Variants in GLCE observed in about 807,000 individuals in gnomAD.
GLCE encodes the protein D-glucuronyl C5-epimerase.
In GLCE, 19 loss-of-function variants were observed where a neutral mutation model predicts 47.9. That is an observed-to-expected ratio of 0.40 (90% confidence interval 0.28 to 0.58). The LOEUF (loss-of-function observed/expected upper bound fraction) is 0.58. Among genes scored for constraint, GLCE ranks in the 20% least tolerant of loss-of-function variants. The pLI is 0.48. For synonymous variants in GLCE, 245 were observed against 263.4 expected (o/e 0.93, Z 0.68); for missense variants, 556 against 743.3 (o/e 0.75, Z 2.93).
chr15:69,236,275 T>A (rs951108900), intron 2 of GLCE, among the ~76,000 whole-genome samples: 1 of 149,736 alleles, frequency 6.7e-6, no homozygotes, highest in Non-Finnish European at 1.5e-5. Flanking sequence ...TCTGGATTAT[T>A]ATGGCATTCT....
rs191203834 is a variant in GLCE at position 69,200,346 on chromosome 15, A to G, written c.-104-9970A>G. Among the ~76,000 whole-genome samples the G allele has an allele frequency of 2.5e-4, 38 of 152,200 alleles. No homozygotes were observed. The East Asian group carries it at 3.9e-3, about 15-fold the overall frequency. On this transcript the variant is annotated intron_variant, in intron 1 of 4. Coordinates refer to ENST00000261858, the MANE Select transcript of GLCE (RefSeq NM_015554.3). ...TTAAAAGTAAATCAGAATTTGACAC[A>G]CTGGGTTGTTTAATTACACATTTCA...
At chr15:69,183,953 C>A in intron 1 of GLCE, among the ~76,000 whole-genome samples, 1 of 152,148 alleles carries the variant, frequency 6.6e-6, no homozygotes, top group Non-Finnish European at 1.5e-5. Flanking sequence ...CTAGTAGAAC[C>A]AGTGAAGAAC....
At chr15:69,218,592 C>T (rs1239617062) in intron 2 of GLCE, among the ~76,000 whole-genome samples, 1 of 152,192 alleles carries the variant, frequency 6.6e-6, no homozygotes, top group Non-Finnish European at 1.5e-5. Context: ...TTAGACAAGA[C>T]TGAAATTTCA....
chr15:69,161,388 G>C (rs1566943265), intron 1 of GLCE, among the ~76,000 whole-genome samples: 1 of 152,064 alleles, frequency 6.6e-6, no homozygotes, highest in African/African-American at 2.4e-5. Context: ...GGGCCGCCTT[G>C]GGGGGTTGTT....
In GLCE at chr15:69,240,304, A is replaced by T. The variant is rs1566965649; in HGVS notation, c.-13-15490A>T. ...GTCTCAAAAAAAAAAAAAAAAAAAA[A>T]AAAAAAGAAAAGAAATATTGAGGAG... On this transcript the variant is annotated intron_variant, in intron 2 of 4. Coordinates refer to ENST00000261858, the MANE Select transcript of GLCE (RefSeq NM_015554.3). Among the ~76,000 whole-genome samples, 11 of 34,662 alleles carry T rather than the reference A, an allele frequency of 3.2e-4. No homozygotes were observed. The Admixed American group carries it at 4.1e-3, about 13-fold the overall frequency. The allele number at this position is 34,662 out of a possible 152,430, so 22.7% of individuals were successfully genotyped here.
In GLCE at chr15:69,259,976, A is replaced by C. The variant is rs542909186; in HGVS notation, c.587-1111A>C. On this transcript the variant is annotated intron_variant, in intron 3 of 4. Coordinates refer to ENST00000261858, the MANE Select transcript of GLCE (RefSeq NM_015554.3). ...CAGATAGTAGTTTATCTCTCAATAC[A>C]TACGTGATTCAACCATACAACATTA... Among the ~76,000 whole-genome samples the C allele has an allele frequency of 2.0e-5, 3 of 152,308 alleles. No homozygotes were observed. In the South Asian group the frequency reaches 6.2e-4, roughly 32 times the overall value.
intron 1 of GLCE, 75 bp from the exon 2 acceptor site, chr15:69,210,241 A>G (rs1277833796): frequency 6.6e-6 from 1 of 152,034 alleles, no homozygotes; most frequent in African/African-American, 2.4e-5. Context: ...AGCTACATTA[A>G]CTTGTTGGCA....
At chr15:69,183,879 A>G (rs1425274837) in intron 1 of GLCE, among the ~76,000 whole-genome samples, 2 of 152,220 alleles carry the variant, frequency 1.3e-5, no homozygotes, top group Non-Finnish European at 2.9e-5. Context: ...AACACTTGAG[A>G]AAGCTTCAGG....
chr15:69,219,255 TACATA>T (rs2052348505), intron 2 of GLCE, among the ~76,000 whole-genome samples: 3 of 152,144 alleles, frequency 2.0e-5, no homozygotes, highest in Admixed American at 1.3e-4. Flanking sequence ...ATCAATAAAA[TACATA>T]ACATGTTTCA....
intron 2 of GLCE, among the ~76,000 whole-genome samples, chr15:69,249,399 G>A (rs1179190225): frequency 6.6e-6 from 1 of 151,988 alleles, no homozygotes; most frequent in Non-Finnish European, 1.5e-5. Flanking sequence ...TTAGAGACAT[G>A]GATAATGCCT....
chr15:69,214,155 A>C (rs1346698360), intron 2 of GLCE, among the ~76,000 whole-genome samples: 2 of 152,102 alleles, frequency 1.3e-5, no homozygotes, highest in African/African-American at 4.8e-5. Flanking sequence ...AGTATTTAGA[A>C]ACCAGCATCT....
chr15:69,240,057 T>A (rs578006606), intron 2 of GLCE, among the ~76,000 whole-genome samples: 25 of 152,146 alleles, frequency 1.6e-4, no homozygotes, highest in Non-Finnish European at 3.4e-4. Flanking sequence ...GCTGAGGCTT[T>A]AGTAGCTTTC....
intron 2 of GLCE, among the ~76,000 whole-genome samples, chr15:69,215,131 G>C (rs1218641356): frequency 6.6e-6 from 1 of 151,996 alleles, no homozygotes; most frequent in East Asian, 1.9e-4. Context: ...TAGTTTTGTG[G>C]ATTTTGAAAA....
chr15:69,166,206 G>A (rs1173035046), intron 1 of GLCE, among the ~76,000 whole-genome samples: 1 of 151,906 alleles, frequency 6.6e-6, no homozygotes, highest in African/African-American at 2.4e-5. Context: ...TACATACATT[G>A]CCATTCATTT....
chr15:69,216,063 G>C (rs753181312), intron 2 of GLCE, among the ~76,000 whole-genome samples: 1 of 152,080 alleles, frequency 6.6e-6, no homozygotes, highest in Non-Finnish European at 1.5e-5. Flanking sequence ...CCAAGGGAAG[G>C]TATGTATAGT....
Position 69,264,242 on chromosome 15 carries a change from G to A in GLCE, c.829+2913G>A, listed in dbSNP as rs1045841321. 2.7e-5 allele frequency among the ~76,000 whole-genome samples: 4 copies of A among 148,522 alleles called. No individual in the cohort carries two copies. The East Asian group carries it at 8.3e-4, about 31-fold the overall frequency. On this transcript the variant is annotated intron_variant, in intron 4 of 4. Coordinates refer to ENST00000261858, the MANE Select transcript of GLCE (RefSeq NM_015554.3). ...TGTTTGGAGGTCCACATATAAGTGA[G>A]ATCATACAGTATCTTTCTCTGACTT...
chr15:69,174,474 G>T (rs572313231), intron 1 of GLCE, among the ~76,000 whole-genome samples: 2 of 152,248 alleles, frequency 1.3e-5, no homozygotes, highest in African/African-American at 4.8e-5. Flanking sequence ...GCTGGGCATG[G>T]TGGTGGGCAC....
At chr15:69,194,175 A>T (rs1024840810) in intron 1 of GLCE, among the ~76,000 whole-genome samples, 3 of 152,140 alleles carry the variant, frequency 2.0e-5, no homozygotes, top group African/African-American at 4.8e-5. Flanking sequence ...GCTGTTGCCC[A>T]CTGGGCATGC....
At position 69,244,311 on chromosome 15, in the gene GLCE, A is replaced by T. The variant is rs186123057; in HGVS notation, c.-13-11483A>T. Among the ~76,000 whole-genome samples the T allele has an allele frequency of 2.4e-3, 366 of 152,316 alleles. 3 individuals carry two copies. The highest frequency in any genetic ancestry group is 8.5e-3 in the African/African-American group (353 of 41,558). On this transcript the variant is annotated intron_variant, in intron 2 of 4. Transcript: ENST00000261858. ...TCTAATATTAATATGGCATTTAATT[A>T]TACTGTTAGATTTAAAGAAAATTCA...
Sources: allele counts gnomAD v4.1 joint callset (sites outside exome capture counted in the v4.1 genomes callset), GRCh38; gene constraint gnomAD v4.1.1; transcripts MANE v1.5; gene names NCBI Gene and HGNC (gene_info 2026-07-23, HGNC 2026-07-21).